Variants in ROBO2 observed in about 807,000 individuals in gnomAD.
ROBO2 encodes the protein roundabout guidance receptor 2.
Under a neutral mutation model 160.8 loss-of-function variants are expected in ROBO2, and 53 were observed. The observed-to-expected ratio is 0.33, with a 90% CI of 0.26 to 0.41. The LOEUF (loss-of-function observed/expected upper bound fraction) is 0.41. Ranked by LOEUF, ROBO2 falls within the 10% of genes least tolerant of loss-of-function variation. ROBO2 has a pLI of 1.00. For synonymous variants in ROBO2, 664 were observed against 611.7 expected (o/e 1.09, Z -1.26); for missense variants, 1,577 against 1,722.4 (o/e 0.92, Z 1.49).
chr3:76,864,785 A>T (rs2071181604), intron 2 of ROBO2, among the ~76,000 whole-genome samples: 1 of 152,130 alleles, frequency 6.6e-6, no homozygotes, highest in Admixed American at 6.6e-5. Flanking sequence ...CATATAAACA[A>T]CTAAAATCAA....
intron 2 of ROBO2, among the ~76,000 whole-genome samples, chr3:76,063,802 C>A (rs750913332): frequency 6.6e-6 from 1 of 152,102 alleles, no homozygotes; most frequent in Non-Finnish European, 1.5e-5. Flanking sequence ...TTGTTTAATA[C>A]CCTACCTTTA....
At chr3:77,127,397 T>C (rs902569384) in intron 2 of ROBO2, among the ~76,000 whole-genome samples, 7 of 152,150 alleles carry the variant, frequency 4.6e-5, no homozygotes, top group Non-Finnish European at 8.8e-5. Flanking sequence ...TGCTCCTCAC[T>C]ATCACCACCA....
chr3:76,213,961 A>G (rs1053281084), intron 2 of ROBO2, among the ~76,000 whole-genome samples: 26 of 152,254 alleles, frequency 1.7e-4, no homozygotes, highest in South Asian at 1.5e-3. Context: ...ATAAGAGGAG[A>G]TGGATCTTCT....
chr3:76,505,658 C>CA (rs1480505875), intron 2 of ROBO2, among the ~76,000 whole-genome samples: 2 of 152,056 alleles, frequency 1.3e-5, no homozygotes, highest in Non-Finnish European at 2.9e-5. Context: ...ATCTACAAGG[C>CA]AAAAGACATC....
intron 2 of ROBO2, among the ~76,000 whole-genome samples, chr3:76,570,299 G>C (rs1233156912): frequency 2.6e-5 from 4 of 152,114 alleles, no homozygotes; most frequent in Admixed American, 2.6e-4. Context: ...GAACAATAAG[G>C]TTTATGGTGA....
chr3:76,085,110 T>C (rs796570116), intron 2 of ROBO2, among the ~76,000 whole-genome samples: 246 of 144,078 alleles, frequency 1.7e-3, no homozygotes, highest in East Asian at 0.014. Flanking sequence ...TACATATATA[T>C]ATATATACAC....
intron 2 of ROBO2, among the ~76,000 whole-genome samples, chr3:76,655,665 AAAAG>A (rs1313031054): frequency 5.4e-4 from 80 of 149,128 alleles, no homozygotes; most frequent in Non-Finnish European, 6.4e-4. Flanking sequence ...AAGAAGAAAA[AAAAG>A]AAAGAAAGAG....
intron 2 of ROBO2, among the ~76,000 whole-genome samples, chr3:76,566,208 G>A (rs948435140): frequency 2.6e-5 from 4 of 152,208 alleles, no homozygotes; most frequent in East Asian, 3.9e-4. Flanking sequence ...GAGGTCTGAC[G>A]TGCTACAGTT....
chr3:77,041,261 C>G lies in ROBO2; in HGVS notation c.61+415C>G, dbSNP rs75404705. Among the ~76,000 whole-genome samples, 325 of 152,308 alleles carry G rather than the reference C, an allele frequency of 2.1e-3. 3 individuals carry two copies. The highest frequency in any genetic ancestry group is 0.011 in the South Asian group (54 of 4,832). On this transcript the variant is annotated intron_variant, in intron 1 of 25. Coordinates refer to ENST00000461745, the Ensembl canonical transcript of ROBO2. Reference sequence around the variant, plus strand: ...GTGAAGAAATACAGTAATAGACACTCTAAGGAAGGTTCAGTGGGTTAGGAA... The same window carrying G: ...GTGAAGAAATACAGTAATAGACACTGTAAGGAAGGTTCAGTGGGTTAGGAA...
chr3:77,574,416 G>A (rs2093710813), intron 13 of ROBO2, 83 bp from the exon 15 acceptor site: 1 of 1,169,972 alleles, frequency 8.5e-7, no homozygotes, highest in Non-Finnish European at 1.3e-6. Flanking sequence ...GACAGAAATG[G>A]GACAAATGAA....
At chr3:76,978,337 A>G (rs2059910357) in intron 2 of ROBO2, among the ~76,000 whole-genome samples, 1 of 152,188 alleles carries the variant, frequency 6.6e-6, no homozygotes, top group South Asian at 2.1e-4. Context: ...AAATATTTAT[A>G]TTATTTAAAA....
intron 2 of ROBO2, chr3:76,434,687 C>T (rs1483017026): frequency 1.3e-5 from 15 of 1,119,328 alleles, no homozygotes; most frequent in Admixed American, 6.8e-5. Flanking sequence ...ATCAGGTCCT[C>T]CTCCCCGTTC....
intron 4 of ROBO2, among the ~76,000 whole-genome samples, chr3:77,482,618 G>A (rs915830876): frequency 6.6e-6 from 1 of 152,144 alleles, no homozygotes; most frequent in Non-Finnish European, 1.5e-5. Context: ...TTCAAAGTAT[G>A]CATGTAAATT....
At chr3:76,737,213 G>T (rs2093727630) in intron 2 of ROBO2, among the ~76,000 whole-genome samples, 1 of 151,836 alleles carries the variant, frequency 6.6e-6, no homozygotes, top group Non-Finnish European at 1.5e-5. Flanking sequence ...GTTTTATAAA[G>T]TATTATTCAT....
At chr3:76,261,678 G>T (rs906222970) in intron 2 of ROBO2, among the ~76,000 whole-genome samples, 1 of 151,914 alleles carries the variant, frequency 6.6e-6, no homozygotes, top group African/African-American at 2.4e-5. Flanking sequence ...ACTATTTGGT[G>T]CTATATTAAA....
At chr3:76,873,056 TCTAA>T (rs1212543023) in intron 2 of ROBO2, among the ~76,000 whole-genome samples, 1 of 152,164 alleles carries the variant, frequency 6.6e-6, no homozygotes, top group Non-Finnish European at 1.5e-5. Context: ...ATCTTATATT[TCTAA>T]CTCTTACTTG....
intron 2 of ROBO2, among the ~76,000 whole-genome samples, chr3:77,170,476 A>C (rs1248947473): frequency 6.6e-6 from 1 of 152,082 alleles, no homozygotes; most frequent in Admixed American, 6.6e-5. Context: ...AGAGTTAAGG[A>C]AAGTGCTTTG....
intron 2 of ROBO2, among the ~76,000 whole-genome samples, chr3:76,530,628 G>A (rs1461452822): frequency 2.0e-5 from 3 of 152,234 alleles, no homozygotes; most frequent in African/African-American, 7.2e-5. Flanking sequence ...ATCTTAGATT[G>A]GAAATATGCA....
chr3:77,466,616 A>G (rs962250079), intron 2 of ROBO2, among the ~76,000 whole-genome samples: 7 of 152,154 alleles, frequency 4.6e-5, no homozygotes, highest in Admixed American at 1.3e-4. Flanking sequence ...TTTCTACTCT[A>G]TTCGGAGATT....
Sources: allele counts gnomAD v4.1 joint callset (sites outside exome capture counted in the v4.1 genomes callset), GRCh38; gene constraint gnomAD v4.1.1; transcripts MANE v1.5; gene names NCBI Gene and HGNC (gene_info 2026-07-23, HGNC 2026-07-21).